Variants in PARD6G observed in about 807,000 individuals in gnomAD.
PARD6G encodes partitioning defective 6 homolog gamma.
In PARD6G, 7 loss-of-function variants were observed where a neutral mutation model predicts 10.7. The ratio of observed to expected loss-of-function variants is 0.66; its 90% CI spans 0.37 to 1.23. The LOEUF (loss-of-function observed/expected upper bound fraction) is 1.23, where lower values mean the gene tolerates loss of function less well. PARD6G is among the 50% of genes most tolerant of loss of function. The pLI is 0.02. For synonymous variants in PARD6G, 287 were observed against 269.4 expected (o/e 1.07, Z -0.64); for missense variants, 548 against 571.8 (o/e 0.96, Z 0.42).
intron 1 of PARD6G, among the ~76,000 whole-genome samples, chr18:80,211,277 T>C (rs565357271): frequency 6.6e-6 from 1 of 152,344 alleles, no homozygotes; most frequent in Admixed American, 6.5e-5. Flanking sequence ...TGCTGCACTA[T>C]GGTATAGAGA....
chr18:80,195,580 T>TATATATATATATATGTATATATA (rs1217519591), intron 2 of PARD6G, among the ~76,000 whole-genome samples: 2 of 134,308 alleles, frequency 1.5e-5, no homozygotes, highest in African/African-American at 2.8e-5. Context: ...TATACACACA[T>TATATATATATATATGTATATATA]TTTTTTTTCT....
chr18:80,223,964 A>G (rs1028463640), intron 1 of PARD6G, among the ~76,000 whole-genome samples: 2 of 152,176 alleles, frequency 1.3e-5, no homozygotes, highest in African/African-American at 4.8e-5. Flanking sequence ...TGGCTTTTCC[A>G]GTTAAAATGG....
intron 1 of PARD6G, among the ~76,000 whole-genome samples, chr18:80,212,532 T>G (rs1967119401): frequency 6.6e-6 from 1 of 152,200 alleles, no homozygotes; most frequent in Admixed American, 6.5e-5. Context: ...ATTCCTTGAT[T>G]TAATCCACCA....
chr18:80,191,973 A>T (rs920405846), intron 2 of PARD6G, among the ~76,000 whole-genome samples: 1 of 152,252 alleles, frequency 6.6e-6, no homozygotes. Context: ...CTGACAAACC[A>T]GCCTCCAAAG....
intron 2 of PARD6G, among the ~76,000 whole-genome samples, chr18:80,186,401 ATG>A (rs2052878775): frequency 7.7e-6 from 1 of 129,926 alleles, no homozygotes; most frequent in Non-Finnish European, 1.6e-5. Flanking sequence ...TCACACATGC[ATG>A]CACCCTCACA....
At chr18:80,186,040 G>A (rs1306411107) in intron 2 of PARD6G, among the ~76,000 whole-genome samples, 15 of 111,206 alleles carry the variant, frequency 1.3e-4, no homozygotes, top group Non-Finnish European at 1.6e-4. Flanking sequence ...TGACATGCTC[G>A]CACACCCTCA....
chr18:80,234,063 C>T (rs984093572), intron 1 of PARD6G, among the ~76,000 whole-genome samples: 13 of 152,146 alleles, frequency 8.5e-5, no homozygotes, highest in Non-Finnish European at 1.9e-4. Context: ...CTTGGCCCTG[C>T]GGGTGTCCAC....
At chr18:80,164,608 C>G (rs1201707198) in intron 2 of PARD6G, among the ~76,000 whole-genome samples, 2 of 152,198 alleles carry the variant, frequency 1.3e-5, no homozygotes, top group African/African-American at 4.8e-5. Context: ...TCCTAGCCAA[C>G]CTCAAATTAA....
Position 80,228,198 on chromosome 18 carries a change from G to A in PARD6G, c.72+19079C>T, listed in dbSNP as rs939997531. Among the ~76,000 whole-genome samples, 3 of 152,148 alleles carry A rather than the reference G, an allele frequency of 2.0e-5. No individual in the cohort carries two copies. Among genetic ancestry groups the A allele is most frequent in the Non-Finnish European group, 4.4e-5 (3 of 68,020 alleles). ...TCTGAGCACAGCTGGAAAAGGGCCC[G>A]ACCTGGTGCTCAGGAAGTCACATCC... is the stretch of plus-strand genomic sequence containing the variant. On this transcript the variant is annotated intron_variant, in intron 1 of 2. Coordinates refer to ENST00000353265, the MANE Select transcript of PARD6G (RefSeq NM_032510.4). This position sits in a 1 kb window ranked among gnomAD's most constrained non-coding sequence, Gnocchi z 4.6.
intron 2 of PARD6G, among the ~76,000 whole-genome samples, chr18:80,173,505 A>G (rs1173917683): frequency 6.6e-6 from 1 of 152,026 alleles, no homozygotes; most frequent in African/African-American, 2.4e-5. Flanking sequence ...AGCGCCTGTA[A>G]TCCCAGCTAC....
At chr18:80,221,236 A>G (rs547533186) in intron 1 of PARD6G, among the ~76,000 whole-genome samples, 74 of 152,312 alleles carry the variant, frequency 4.9e-4, no homozygotes, top group African/African-American at 1.7e-3. Flanking sequence ...CCTGATATCA[A>G]AACCAGAAAA....
chr18:80,239,876 C>G (rs1342035891), intron 1 of PARD6G, among the ~76,000 whole-genome samples: 1 of 151,770 alleles, frequency 6.6e-6, no homozygotes, highest in African/African-American at 2.4e-5. Flanking sequence ...TTATTTGGCT[C>G]ACAGTTCTGC....
At chr18:80,220,204 GC>G (rs773690310) in intron 1 of PARD6G, among the ~76,000 whole-genome samples, 1 of 152,174 alleles carries the variant, frequency 6.6e-6, no homozygotes, top group Non-Finnish European at 1.5e-5. Context: ...TTGGGGGAAA[GC>G]CCCCTTATAA....
In PARD6G at chr18:80,160,570, A is replaced by G; in HGVS notation, c.332T>C (p.Leu111Pro). The G allele has an allele frequency of 8.2e-6, 12 of 1,465,956 alleles. 1 individual carries two copies. The highest frequency in any genetic ancestry group is 1.8e-4 in the Middle Eastern group (1 of 5,450). 90.8% of individuals were successfully genotyped at this position (1,465,956 alleles called of 1,614,324 possible). A position where few individuals can be genotyped will look rare whatever the true frequency, so the allele number is the denominator to read the frequency against. ...AERGSLGAGSLCRRRRALGAL... is the reference protein window; with the variant it reads ...AERGSLGAGSPCRRRRALGAL... ...GCCCAGCGCCCGCCTCCGCCTGCAC[A>G]GCGAGCCCGCGCCGAGGCTGCCACG... is the stretch of plus-strand genomic sequence containing the variant. The change falls in exon 3 of 3, where the codon CTG (leucine) becomes CCG (proline). Residue 111 changes from leucine (L) to proline (P), a missense_variant. Physicochemically the swap from Leu to Pro is moderately conservative, Grantham distance 98 (BLOSUM62 -3). This residue lies in a region of PARD6G where 235 missense variants were observed against 291.9 expected (regional missense o/e 0.81). Coordinates refer to ENST00000353265, the MANE Select transcript of PARD6G (RefSeq NM_032510.4).
In PARD6G at chr18:80,159,707, C is replaced by A; in HGVS notation, c.*64G>T. The A allele has an allele frequency of 7.5e-7, 1 of 1,329,954 alleles. No individual in the cohort carries two copies. Among genetic ancestry groups the A allele is most frequent in the Non-Finnish European group, 9.6e-7 (1 of 1,036,696 alleles). The allele number at this position is 1,329,954 out of a possible 1,614,324, so 82.4% of individuals were successfully genotyped here. Reference sequence around the variant, plus strand: ...ACAACAAAAAATGAGCGGATGCAGTCTGCAGGTCCTGTCCCTGTCCTTACC... The same window carrying A: ...ACAACAAAAAATGAGCGGATGCAGTATGCAGGTCCTGTCCCTGTCCTTACC... On this transcript the variant is annotated 3_prime_UTR_variant, in exon 3 of 3. Transcript: ENST00000353265.
chr18:80,209,132 A>C (rs917285360), intron 1 of PARD6G, among the ~76,000 whole-genome samples: 13 of 152,012 alleles, frequency 8.6e-5, no homozygotes, highest in Non-Finnish European at 1.6e-4. Flanking sequence ...AACAAAAAAA[A>C]AAAACACACC....
At chr18:80,206,946 T>C (rs1012148076) in intron 1 of PARD6G, among the ~76,000 whole-genome samples, 1 of 151,538 alleles carries the variant, frequency 6.6e-6, no homozygotes, top group South Asian at 2.1e-4. Flanking sequence ...TGATTATCAA[T>C]AAATACTTAA....
chr18:80,203,739 C>CA (rs890005000), intron 1 of PARD6G, among the ~76,000 whole-genome samples: 5 of 151,914 alleles, frequency 3.3e-5, no homozygotes, highest in African/African-American at 1.2e-4. Context: ...TTTCCAAAGG[C>CA]AAAAGACCAT....
chr18:80,209,591 G>A (rs1218047994), intron 1 of PARD6G, among the ~76,000 whole-genome samples: 2 of 152,188 alleles, frequency 1.3e-5, no homozygotes, highest in African/African-American at 4.8e-5. Context: ...CAGGTGGATC[G>A]TTTGACTCTA....
Sources: gnomAD v4.1 joint callset for allele counts (sites outside exome capture counted in the v4.1 genomes callset) on GRCh38, gnomAD v4.1.1 for gene constraint, gnomAD v4.1.1 regional missense constraint, Gnocchi (gnomAD v3.1) non-coding constraint, MANE v1.5 for transcripts, NCBI Gene and HGNC (gene_info 2026-07-23, HGNC 2026-07-21) for gene names.